CLOCK: variants seen among roughly 807,000 people sequenced by gnomAD.
CLOCK encodes circadian locomoter output cycles protein kaput.
In CLOCK, 43 loss-of-function variants were observed where a neutral mutation model predicts 118.4. The observed-to-expected ratio is 0.36, with a 90% CI of 0.28 to 0.47. CLOCK has a LOEUF of 0.47. Ranked by LOEUF, CLOCK falls within the 20% of genes least tolerant of loss-of-function variation. CLOCK has a pLI of 1.00. For synonymous variants in CLOCK, 326 were observed against 339.2 expected, an observed-to-expected ratio of 0.96 and a Z score of 0.43; for missense variants, 846 against 999.9, an observed-to-expected ratio of 0.85 and a Z score of 2.08.
chr4:55,460,711 G>C (rs1005384107), intron 9 of CLOCK, among the ~76,000 whole-genome samples: 1 of 151,954 alleles, frequency 6.6e-6, no homozygotes, highest in Non-Finnish European at 1.5e-5. Flanking sequence ...TATTATTTCC[G>C]CACTCAAGGA....
intron 18 of CLOCK, among the ~76,000 whole-genome samples, chr4:55,445,280 C>T (rs62303692): frequency 0.26 from 38,065 of 143,832 alleles, 12,263 homozygotes; most frequent in South Asian, 0.46. Flanking sequence ...ACACCTGCCC[C>T]GGCAGGTGGC....
At chr4:55,508,861 G>A (rs1389705618) in intron 2 of CLOCK, among the ~76,000 whole-genome samples, 1 of 152,112 alleles carries the variant, frequency 6.6e-6, no homozygotes, top group Non-Finnish European at 1.5e-5. Flanking sequence ...CAAAGTGCTG[G>A]GGTCTCTGCT....
At chr4:55,526,875 A>C (rs1001576352) in intron 1 of CLOCK, among the ~76,000 whole-genome samples, 11 of 139,642 alleles carry the variant, frequency 7.9e-5, no homozygotes, top group African/African-American at 2.9e-4. Context: ...TGAACCCGGG[A>C]GGCGGAGCTT....
intron 6 of CLOCK, among the ~76,000 whole-genome samples, chr4:55,476,518 T>G (rs189481168): frequency 1.1e-4 from 17 of 152,188 alleles, no homozygotes; most frequent in African/African-American, 4.1e-4. Context: ...GCCTGCCTAC[T>G]GCTGGGCAAA....
chr4:55,519,553 A>G lies in CLOCK; in HGVS notation c.-289-9488T>C, dbSNP rs574405181. Among the ~76,000 whole-genome samples the G allele has an allele frequency of 3.9e-5, 6 of 152,202 alleles. No individual in the cohort carries two copies. The South Asian group carries it at 1.2e-3, about 32-fold the overall frequency. ...TGTAATCCCAGCACTTTGGGAGGCC[A>G]AGGTGGGCAGATCACCTGAGTTGAG... On this transcript the variant is annotated intron_variant, in intron 1 of 22. Transcript: ENST00000513440.
chr4:55,467,450 A>G (rs1725810776), intron 8 of CLOCK, among the ~76,000 whole-genome samples: 2 of 152,212 alleles, frequency 1.3e-5, no homozygotes, highest in Admixed American at 1.3e-4. Context: ...TAGTACATAC[A>G]AGGTAACAGT....
intron 8 of CLOCK, among the ~76,000 whole-genome samples, chr4:55,469,788 G>C (rs1726003515): frequency 6.6e-6 from 1 of 152,154 alleles, no homozygotes; most frequent in Non-Finnish European, 1.5e-5. Context: ...GCCCACTGTA[G>C]CCTTGGCCTC....
In CLOCK at chr4:55,444,743, C is replaced by G; in HGVS notation, c.1582G>C (p.Asp528His). 2.5e-6 allele frequency: 4 copies of G among 1,614,076 alleles called. No homozygotes were observed. Among genetic ancestry groups the G allele is most frequent in the Non-Finnish European group, 2.5e-6 (3 of 1,180,006 alleles). The change falls in exon 19 of 23, where the codon GAC becomes CAC. Residue 528 changes from aspartate to histidine, a missense_variant. By Grantham distance (81) the Asp-to-His change is moderately conservative. This residue lies in a region of CLOCK where 520 missense variants were observed against 558.0 expected (regional missense o/e 0.93). Transcript: ENST00000513440. ...ATGCGTGTCCGTTGTTCCAATTGGT[C>G]TTTCAGATGTTGCATGGCTCCTAAT... ...AQLGAMQHLK[D>H]QLEQRTRMIE...
At chr4:55,515,576 G>T (rs555476656) in intron 1 of CLOCK, among the ~76,000 whole-genome samples, 1 of 152,164 alleles carries the variant, frequency 6.6e-6, no homozygotes, top group Non-Finnish European at 1.5e-5. Context: ...GTAGAGACGG[G>T]GTTTCACCGT....
intron 1 of CLOCK, among the ~76,000 whole-genome samples, chr4:55,519,211 C>G (rs1211370597): frequency 1.3e-5 from 2 of 152,056 alleles, no homozygotes; most frequent in African/African-American, 4.8e-5. Context: ...ACCACTATAC[C>G]CAGCCAATTT....
At chr4:55,506,808 A>AGG (rs1728829190) in intron 2 of CLOCK, among the ~76,000 whole-genome samples, 1 of 151,934 alleles carries the variant, frequency 6.6e-6, no homozygotes, top group African/African-American at 2.4e-5. Flanking sequence ...TGATCCACCC[A>AGG]CCTCGGCCTT....
At chr4:55,493,365 A>C (rs937108038) in intron 2 of CLOCK, among the ~76,000 whole-genome samples, 2 of 152,228 alleles carry the variant, frequency 1.3e-5, no homozygotes, top group African/African-American at 4.8e-5. Context: ...AGGTTTGTTA[A>C]TTCTGATACC....
intron 21 of CLOCK, 189 bp downstream of exon 21, chr4:55,442,243 G>T: frequency 1.7e-6 from 1 of 595,390 alleles, no homozygotes. Context: ...AAAATTTGTT[G>T]TTACCCTTTA....
At chr4:55,538,514 C>T (rs933318711) in intron 1 of CLOCK, among the ~76,000 whole-genome samples, 1 of 151,654 alleles carries the variant, frequency 6.6e-6, no homozygotes, top group African/African-American at 2.4e-5. Context: ...GAAGGCAGGT[C>T]GATAGAAAAT....
chr4:55,476,558 CTTAA>C (rs1415077773), intron 6 of CLOCK, among the ~76,000 whole-genome samples: 1 of 152,142 alleles, frequency 6.6e-6, no homozygotes, highest in Admixed American at 6.6e-5. Context: ...AGTGCTCTAT[CTTAA>C]TTAATCAAAG....
chr4:55,497,997 A>G (rs1187999680), intron 2 of CLOCK, among the ~76,000 whole-genome samples: 1 of 86,970 alleles, frequency 1.1e-5, no homozygotes, highest in African/African-American at 3.5e-5. Context: ...TAGCAACCTA[A>G]AAGAAGTACA....
At chr4:55,522,484 A>C (rs1729905360) in intron 1 of CLOCK, among the ~76,000 whole-genome samples, 1 of 151,534 alleles carries the variant, frequency 6.6e-6, no homozygotes, top group South Asian at 2.1e-4. Flanking sequence ...GATGCCAACC[A>C]GTAATAAACT....
At chr4:55,515,058 A>T (rs866933721) in intron 1 of CLOCK, among the ~76,000 whole-genome samples, 2 of 152,166 alleles carry the variant, frequency 1.3e-5, no homozygotes, top group African/African-American at 4.8e-5. Flanking sequence ...TGTTGACTCA[A>T]TTTAATAGAT....
At chr4:55,458,764 G>A (rs778087420) in intron 11 of CLOCK, 128 bp downstream of exon 11, 67 of 680,040 alleles carry the variant, frequency 9.9e-5, no homozygotes, top group Non-Finnish European at 1.6e-4. Flanking sequence ...ATAACTCATC[G>A]TTTCAAAAAT....
Sources: gnomAD v4.1 joint callset for allele counts (sites outside exome capture counted in the v4.1 genomes callset) on GRCh38, gnomAD v4.1.1 for gene constraint, gnomAD v4.1.1 regional missense constraint, MANE v1.5 for transcripts, NCBI Gene and HGNC (gene_info 2026-07-23, HGNC 2026-07-21) for gene names.